The following PTPRS variants were observed in gnomAD, a reference collection of about 807,000 sequenced individuals.
PTPRS encodes the protein receptor-type tyrosine-protein phosphatase S.
A neutral mutation model predicts 215.3 loss-of-function variants in PTPRS; 63 were observed. The ratio of observed to expected loss-of-function variants is 0.29; its 90% CI spans 0.24 to 0.36. PTPRS has a LOEUF of 0.36. PTPRS is among the 10% of genes least tolerant of loss of function. The pLI is 1.00. For synonymous variants in PTPRS, 1,404 were observed against 1,191.4 expected (o/e 1.18, Z -3.68); for missense variants, 2,258 against 2,825.8 (o/e 0.80, Z 4.56).
Position 5,237,056 on chromosome 19 carries a change from A to C in PTPRS, c.1849+1863T>G, listed in dbSNP as rs901139090. The stretch of plus-strand genomic sequence containing the variant: ...CCTACCTTCCACTCTTCAACTGCTA[A>C]CTTAAAAGACTTTCTTACGAGAGAG... On this transcript the variant is annotated intron_variant, in intron 13 of 37. Transcript: ENST00000262963. The surrounding 1 kb of genome is among the most constrained non-coding windows in gnomAD (Gnocchi z 4.2). 2.0e-5 allele frequency among the ~76,000 whole-genome samples: 3 copies of C among 152,202 alleles called. No individual in the cohort carries two copies. Among genetic ancestry groups the C allele is most frequent in the African/African-American group, 7.2e-5 (3 of 41,452 alleles).
At chr19:5,306,809 A>T (rs2049510423) in intron 1 of PTPRS, among the ~76,000 whole-genome samples, 1 of 152,218 alleles carries the variant, frequency 6.6e-6, no homozygotes, top group Non-Finnish European at 1.5e-5. Flanking sequence ...GGAAATGAGT[A>T]GGTCCTAATA....
intron 30 of PTPRS, among the ~76,000 whole-genome samples, chr19:5,213,514 C>T (rs533798979): frequency 2.6e-5 from 4 of 151,862 alleles, no homozygotes; most frequent in African/African-American, 9.7e-5. Context: ...TGTAAGCTTT[C>T]TTGACATTTC....
chr19:5,303,106 C>A (rs66586956), intron 1 of PTPRS, among the ~76,000 whole-genome samples: 11,794 of 151,840 alleles, frequency 0.078, 630 homozygotes, highest in African/African-American at 0.15. Flanking sequence ...ACAACAACAA[C>A]AAAAAACCGT....
chr19:5,266,160 G>A (rs1435305453), intron 4 of PTPRS, among the ~76,000 whole-genome samples: 1 of 152,200 alleles, frequency 6.6e-6, no homozygotes, highest in East Asian at 1.9e-4. Flanking sequence ...CCGGGAGACT[G>A]AGGCAGAAAA....
At chr19:5,218,964 C>T (rs927692154) in intron 23 of PTPRS, 166 bp from the exon 24 acceptor site, 21 of 719,424 alleles carry the variant, frequency 2.9e-5, no homozygotes, top group Non-Finnish European at 4.5e-5. Context: ...TGTCCCCCTG[C>T]CTATCGACAC....
chr19:5,334,877 G>A (rs1409892524), intron 1 of PTPRS, among the ~76,000 whole-genome samples: 1 of 152,174 alleles, frequency 6.6e-6, no homozygotes, highest in East Asian at 1.9e-4. Context: ...CAGGTTGGAG[G>A]AGACAAGGAT....
intron 17 of PTPRS, among the ~76,000 whole-genome samples, chr19:5,224,844 G>C (rs978686061): frequency 6.6e-6 from 1 of 152,138 alleles, no homozygotes; most frequent in African/African-American, 2.4e-5. Context: ...ACAAGGGCAG[G>C]GGCTGTGTCC....
At chr19:5,259,566 G>A (rs571035931) in intron 7 of PTPRS, among the ~76,000 whole-genome samples, 1 of 152,084 alleles carries the variant, frequency 6.6e-6, no homozygotes, top group Non-Finnish European at 1.5e-5. Context: ...TGTAATCACA[G>A]GCCTGGATCA....
At chr19:5,262,619 T>C (rs1208254234) in intron 6 of PTPRS, among the ~76,000 whole-genome samples, 1 of 152,350 alleles carries the variant, frequency 6.6e-6, no homozygotes, top group African/African-American at 2.4e-5. Context: ...GGAGGAAATG[T>C]TGTTAGGTGC....
chr19:5,304,531 C>T (rs1171077929), intron 1 of PTPRS, among the ~76,000 whole-genome samples: 3 of 152,046 alleles, frequency 2.0e-5, no homozygotes, highest in African/African-American at 4.8e-5. Flanking sequence ...CGCCTGTAGT[C>T]CCAGCTACTC....
intron 1 of PTPRS, among the ~76,000 whole-genome samples, chr19:5,301,632 G>T (rs1024661198): frequency 1.3e-4 from 19 of 151,932 alleles, no homozygotes; most frequent in Non-Finnish European, 2.4e-4. Flanking sequence ...GCATTTAATG[G>T]ATCTGGCCAC....
chr19:5,309,109 C>G (rs901601630), intron 1 of PTPRS, among the ~76,000 whole-genome samples: 2 of 152,066 alleles, frequency 1.3e-5, no homozygotes, highest in Non-Finnish European at 2.9e-5. Flanking sequence ...TGGAAACCAC[C>G]AAAAACTGGA....
At position 5,337,906 on chromosome 19, in the gene PTPRS, A is replaced by AT. The variant is rs202046436; in HGVS notation, c.-95+2757dup. On this transcript the variant is annotated intron_variant, in intron 1 of 37. Coordinates refer to ENST00000262963, the MANE Select transcript of PTPRS (RefSeq NM_002850.4). ...ACGCTCAACCGGGGTATAAGGAGTG[A>AT]TTTTTTTTTCTCTGCTGGCAGCAGG... Among the ~76,000 whole-genome samples, 566 of 151,554 alleles carry AT rather than the reference A, an allele frequency of 3.7e-3. 5 individuals carry two copies. Among genetic ancestry groups the AT allele is most frequent in the African/African-American group, 0.013 (540 of 41,276 alleles).
At chr19:5,211,501 C>A in intron 33 of PTPRS, 89 bp downstream of exon 33, 1 of 1,361,562 alleles carries the variant, frequency 7.3e-7, no homozygotes, top group South Asian at 1.4e-5. Flanking sequence ...AGTATCTCCC[C>A]AGCTCTGTCT....
chr19:5,238,191 T>C (rs1445791087), intron 13 of PTPRS, among the ~76,000 whole-genome samples: 2 of 152,042 alleles, frequency 1.3e-5, no homozygotes, highest in African/African-American at 4.8e-5. Context: ...AAGGGGCCTG[T>C]CCAGCTCCGA....
intron 1 of PTPRS, among the ~76,000 whole-genome samples, chr19:5,305,630 G>C (rs1313299135): frequency 6.6e-6 from 1 of 151,686 alleles, no homozygotes. Context: ...TTGGGAGGCT[G>C]AAGTGGTAGG....
At chr19:5,253,521 C>G (rs1201917708) in intron 9 of PTPRS, among the ~76,000 whole-genome samples, 1 of 152,048 alleles carries the variant, frequency 6.6e-6, no homozygotes, top group Non-Finnish European at 1.5e-5. Flanking sequence ...CCTTTGTTGT[C>G]CCTTTCTGTG....
rs201115332 is a variant in PTPRS, at chr19:5,338,102, C to CG, written c.-95+2561_-95+2562insC. Among the ~76,000 whole-genome samples, 5,431 of 152,256 alleles carry CG rather than the reference C, an allele frequency of 0.036. 213 individuals are homozygous for CG. The highest frequency in any genetic ancestry group is 0.16 in the South Asian group (765 of 4,826). Reference sequence around the variant, plus strand: ...GCCAAAATGACCTGTCACCCATCTCCCGCGGGGAGTGGGGAGCGGGCCAGT... The same window carrying CG: ...GCCAAAATGACCTGTCACCCATCTCCGCGCGGGGAGTGGGGAGCGGGCCAGT... On this transcript the variant is annotated intron_variant, in intron 1 of 37. Transcript: ENST00000262963. This position sits in a 1 kb window ranked among gnomAD's most constrained non-coding sequence, Gnocchi z 4.2.
At chr19:5,319,943 T>C (rs555144868) in intron 1 of PTPRS, among the ~76,000 whole-genome samples, 12 of 152,128 alleles carry the variant, frequency 7.9e-5, no homozygotes, top group Non-Finnish European at 1.2e-4. Context: ...ATATATCGTA[T>C]TTTGCCTATC....
Sources: allele counts gnomAD v4.1 joint callset (sites outside exome capture counted in the v4.1 genomes callset), GRCh38; gene constraint gnomAD v4.1.1; non-coding constraint Gnocchi (gnomAD v3.1); transcripts MANE v1.5; gene names NCBI Gene and HGNC (gene_info 2026-07-23, HGNC 2026-07-21).